DUSP15: variants seen among roughly 807,000 people sequenced by gnomAD.
The protein encoded by DUSP15 is dual specificity phosphatase 15.
DUSP15 carries 23 observed loss-of-function variants against 26.3 expected under a neutral mutation model. The ratio of observed to expected loss-of-function variants is 0.87; its 90% CI spans 0.63 to 1.24. The LOEUF (loss-of-function observed/expected upper bound fraction) is 1.24, where lower values mean the gene tolerates loss of function less well. DUSP15 is among the 50% of genes most tolerant of loss of function. DUSP15 has a pLI of 0.00. For missense variants in DUSP15, 364 were observed against 320.6 expected (o/e 1.14, Z -1.03); for synonymous variants, 143 against 135.5 (o/e 1.06, Z -0.39).
chr20:31,849,563 A>G, intron 8 of DUSP15: 1 of 1,073,950 alleles, frequency 9.3e-7, no homozygotes, highest in Non-Finnish European at 1.4e-6. Context: ...GCGTGTGTTC[A>G]GCAGGTGGCA....
intron 1 of DUSP15, chr20:31,869,965 C>T: frequency 7.4e-7 from 1 of 1,354,536 alleles, no homozygotes; most frequent in Non-Finnish European, 9.5e-7. Flanking sequence ...AGAGGCGGGA[C>T]AGGATGGAGA....
At chr20:31,848,782 G>A in intron 9 of DUSP15, 1 of 1,600,474 alleles carries the variant, frequency 6.2e-7, no homozygotes, top group African/African-American at 1.3e-5. Flanking sequence ...GTGCTTCTTG[G>A]CTGGAGTGGA....
intron 6 of DUSP15, among the ~76,000 whole-genome samples, chr20:31,854,048 A>G (rs926214324): frequency 3.9e-5 from 6 of 152,204 alleles, no homozygotes; most frequent in Admixed American, 2.0e-4. Context: ...CTGCAGTGAA[A>G]AAGAGATGGA....
At chr20:31,857,672 C>A (rs573518481), downstream of DUSP15, among the ~76,000 whole-genome samples, 1 of 152,348 alleles carries the variant, frequency 6.6e-6, no homozygotes, top group South Asian at 2.1e-4. Flanking sequence ...CCTTTGCCTG[C>A]AATACCTTCG....
chr20:31,846,323 C>T (rs562386826), downstream of DUSP15, among the ~76,000 whole-genome samples: 3 of 150,270 alleles, frequency 2.0e-5, no homozygotes, highest in South Asian at 2.1e-4. Context: ...CACACACACA[C>T]GTAGTATACG....
chr20:31,847,807 G>A (rs1395238081), exon 10 of DUSP15: 1 of 152,200 alleles, frequency 6.6e-6, no homozygotes, highest in African/African-American at 2.4e-5. Context: ...GCATTTGGAG[G>A]TCCGCCTCAG....
At chr20:31,851,798 A>G (rs796279952) in intron 6 of DUSP15, among the ~76,000 whole-genome samples, 3 of 152,194 alleles carry the variant, frequency 2.0e-5, no homozygotes, top group African/African-American at 7.2e-5. Flanking sequence ...ACTTCCCAGG[A>G]GCTTCCTTCG....
At chr20:31,852,760 G>A (rs1317198881) in intron 6 of DUSP15, among the ~76,000 whole-genome samples, 1 of 152,174 alleles carries the variant, frequency 6.6e-6, no homozygotes, top group African/African-American at 2.4e-5. Flanking sequence ...GCAGTGAGCC[G>A]AGATCTCGCC....
chr20:31,870,613 CG>C, upstream of DUSP15: 5 of 1,373,744 alleles, frequency 3.6e-6, no homozygotes, highest in South Asian at 1.8e-5. The surrounding 1 kb of genome is among the most constrained non-coding windows in gnomAD (Gnocchi z 6.6). Flanking sequence ...CGGGTCGCGG[CG>C]GGGGGCCGGA....
Position 31,870,074 on chromosome 20 carries a change from A to C in DUSP15, c.21+243T>G. ...GGGAGACAGCCTGGGAGTGACAGCC[A>C]CAGCAAGACAGCGAGAGACACACAG... On this transcript the variant is annotated intron_variant, in intron 1 of 6. Transcript: ENST00000339738. This position sits in a 1 kb window ranked among gnomAD's most constrained non-coding sequence, Gnocchi z 6.6. 1 of 1,259,078 alleles carries C rather than the reference A, an allele frequency of 7.9e-7. No homozygotes were observed. Among genetic ancestry groups the C allele is most frequent in the Non-Finnish European group, 1.0e-6 (1 of 1,002,530 alleles). 78.0% of individuals were successfully genotyped at this position (1,259,078 alleles called of 1,614,324 possible).
At chr20:31,861,846 C>T (rs1243858225) in intron 6 of DUSP15, among the ~76,000 whole-genome samples, 171 bp from the exon 7 acceptor site, 1 of 151,616 alleles carries the variant, frequency 6.6e-6, no homozygotes, top group Non-Finnish European at 1.5e-5. Context: ...GGGTTTCCAT[C>T]CCCTCACTGA....
At chr20:31,864,365 G>A in intron 4 of DUSP15, 1 of 1,057,054 alleles carries the variant, frequency 9.5e-7, no homozygotes, top group Non-Finnish European at 1.1e-6. Context: ...GCAGCAGCAG[G>A]CTGGGAGCAA....
At chr20:31,867,631 GTTTTTTTTTTTTTTTTTTT>G (rs57662463) in intron 2 of DUSP15, among the ~76,000 whole-genome samples, 6 of 77,652 alleles carry the variant, frequency 7.7e-5, no homozygotes, top group Admixed American at 3.7e-4. Context: ...TGCCCACAAT[GTTTTTTTTTTTTTTTTTTT>G]TTTTTTTTTT....
At chr20:31,852,227 T>G (rs1246726690) in intron 6 of DUSP15, among the ~76,000 whole-genome samples, 2 of 152,158 alleles carry the variant, frequency 1.3e-5, no homozygotes, top group African/African-American at 2.4e-5. Context: ...CAAGCTGGCC[T>G]CAAACTCTTG....
At position 31,867,649 on chromosome 20, in the gene DUSP15, T is replaced by TG. The variant is rs1337784141; in HGVS notation, c.56-497_56-496insC. On this transcript the variant is annotated intron_variant, in intron 2 of 6. Coordinates refer to ENST00000339738, the MANE Select transcript of DUSP15 (RefSeq NM_080611.5). ...CCACAATGTTTTTTTTTTTTTTTTT[T>TG]TTTTTTTTTTTTTGAGACGGAGTCT... Among the ~76,000 whole-genome samples, 17 of 137,726 alleles carry TG rather than the reference T, an allele frequency of 1.2e-4. No homozygotes were observed. The East Asian group carries it at 3.0e-3, about 24-fold the overall frequency. 90.4% of individuals were successfully genotyped at this position (137,726 alleles called of 152,430 possible).
intron 5 of DUSP15, 38 bp from the exon 6 acceptor site, chr20:31,862,780 T>G (rs756066873): frequency 6.5e-7 from 1 of 1,547,172 alleles, no homozygotes; most frequent in Non-Finnish European, 8.8e-7. Flanking sequence ...TCAAGTAAGA[T>G]CCAATGTCCT....
chr20:31,849,110 C>G (rs1412981550), intron 8 of DUSP15, among the ~76,000 whole-genome samples: 2 of 152,036 alleles, frequency 1.3e-5, no homozygotes, highest in East Asian at 3.9e-4. Context: ...GGTCTTATGT[C>G]TCTTCCTTGG....
At chr20:31,861,865 T>TCCCTTCTAGGAGGCCCCTCCC (rs1265135467) in intron 6 of DUSP15, among the ~76,000 whole-genome samples, 190 bp from the exon 7 acceptor site, 137 of 151,808 alleles carry the variant, frequency 9.0e-4, no homozygotes, top group African/African-American at 3.0e-3. Flanking sequence ...GAGTCCCTCT[T>TCCCTTCTAGGAGGCCCCTCCC]CCCTTCTAGG....
chr20:31,863,838 AGTGTGT>A, intron 5 of DUSP15, 63 bp downstream of exon 5: 1 of 1,443,552 alleles, frequency 6.9e-7, no homozygotes, highest in Non-Finnish European at 9.7e-7. Context: ...CCACAGGGGG[AGTGTGT>A]GTTCAGCAGA....
Sources: allele counts gnomAD v4.1 joint callset (sites outside exome capture counted in the v4.1 genomes callset), GRCh38; gene constraint gnomAD v4.1.1; non-coding constraint Gnocchi (gnomAD v3.1); transcripts MANE v1.5; gene names NCBI Gene and HGNC (gene_info 2026-07-23, HGNC 2026-07-21).